VWA8: variants seen among roughly 807,000 people sequenced by gnomAD.
The protein encoded by VWA8 is von Willebrand factor A domain containing 8.
A neutral mutation model predicts 241.5 loss-of-function variants in VWA8; 221 were observed. The ratio of observed to expected loss-of-function variants is 0.91; its 90% CI spans 0.82 to 1.02. The LOEUF (loss-of-function observed/expected upper bound fraction) is 1.02, where lower values mean the gene tolerates loss of function less well. VWA8 is among the 50% of genes least tolerant of loss of function. The probability of loss-of-function intolerance (pLI) is 0.00; values close to 1 mark genes in which losing one functional copy is unlikely to be tolerated. For synonymous variants in VWA8, 852 were observed against 827.1 expected (o/e 1.03, Z -0.52); for missense variants, 2,322 against 2,328.7 (o/e 1.00, Z 0.06).
intron 37 of VWA8, among the ~76,000 whole-genome samples, chr13:41,627,928 T>TA (rs1235299315): frequency 1.3e-5 from 2 of 152,006 alleles, no homozygotes; most frequent in African/African-American, 4.8e-5. Context: ...TGCAGGAAAA[T>TA]AGAGTCTGGA....
Position 41,655,489 on chromosome 13 carries a change from C to CAG in VWA8, c.4611+15455_4611+15456dup, listed in dbSNP as rs34381157. Among the ~76,000 whole-genome samples, 722 of 148,300 alleles carry CAG rather than the reference C, an allele frequency of 4.9e-3. 2 individuals are homozygous for CAG. The highest frequency in any genetic ancestry group is 0.015 in the East Asian group (74 of 5,064). ...ATATATATCCACACATACAGAGAGA[C>CAG]AGAGAGAGAGAGAGAGAGAGAGAGA... On this transcript the variant is annotated intron_variant, in intron 37 of 44. Transcript: ENST00000379310.
intron 2 of VWA8, among the ~76,000 whole-genome samples, chr13:41,924,852 G>A (rs1876754165): frequency 6.6e-6 from 1 of 151,604 alleles, no homozygotes; most frequent in Non-Finnish European, 1.5e-5. Context: ...ATGTTGGTGT[G>A]CTGCACCCAT....
intron 17 of VWA8, among the ~76,000 whole-genome samples, chr13:41,798,340 T>A (rs1157069064): frequency 6.6e-6 from 1 of 152,214 alleles, no homozygotes; most frequent in East Asian, 1.9e-4. Context: ...TACTGAAATA[T>A]ATCCTTTAGT....
chr13:41,863,395 T>TTGTGTGTGTG (rs140177608), intron 12 of VWA8, among the ~76,000 whole-genome samples: 1 of 90,044 alleles, frequency 1.1e-5, no homozygotes, highest in Non-Finnish European at 2.3e-5. Flanking sequence ...TATCTCCTAT[T>TTGTGTGTGTG]TGTGTGTGTG....
chr13:41,868,372 T>A lies in VWA8; in HGVS notation c.1186A>T (p.Ile396Phe). ...HVSQASVTIRIADKEVTIKVP... is the reference protein window; with the variant it reads ...HVSQASVTIRFADKEVTIKVP... ...TTAATGGTCACCTCTTTATCTGCAA[T>A]CCGGATGGTCACAGAAGCTTGGGAC... Residue 396 changes from isoleucine (I) to phenylalanine (F), a missense_variant, in exon 10 of 45, where the codon ATT becomes TTT. Ile to Phe is a conservative substitution (Grantham distance 21, BLOSUM62 0). Transcript: ENST00000379310. The A allele has an allele frequency of 6.2e-7, 1 of 1,614,152 alleles. No homozygotes were observed. The highest frequency in any genetic ancestry group is 8.5e-7 in the Non-Finnish European group (1 of 1,180,014).
intron 37 of VWA8, among the ~76,000 whole-genome samples, chr13:41,642,356 G>C (rs12869535): frequency 0.042 from 6,317 of 151,920 alleles, 176 homozygotes; most frequent in African/African-American, 0.081. Context: ...TCAGGAGTTC[G>C]AGACCAGCCT....
chr13:41,615,198 C>G, intron 37 of VWA8, 114 bp from the exon 38 acceptor site: 1 of 1,004,506 alleles, frequency 1.0e-6, no homozygotes, highest in Non-Finnish European at 1.4e-6. Flanking sequence ...TAACCTCAGG[C>G]CACTGGACTT....
chr13:41,820,638 G>A (rs1566470390), intron 14 of VWA8, among the ~76,000 whole-genome samples: 1 of 152,188 alleles, frequency 6.6e-6, no homozygotes, highest in Non-Finnish European at 1.5e-5. Flanking sequence ...TTTTAGCAGG[G>A]CCTGGGGGAG....
chr13:41,600,177 G>A (rs1260729041), intron 40 of VWA8, among the ~76,000 whole-genome samples: 3 of 152,108 alleles, frequency 2.0e-5, no homozygotes, highest in Non-Finnish European at 2.9e-5. Flanking sequence ...AGCTGTTTGC[G>A]TGTCACTAGC....
chr13:41,607,526 T>C (rs1256013198), intron 39 of VWA8, among the ~76,000 whole-genome samples: 1 of 152,146 alleles, frequency 6.6e-6, no homozygotes, highest in East Asian at 1.9e-4. Context: ...ATGCAGGACA[T>C]GCCACCTACC....
chr13:41,849,760 G>A (rs1435652619), intron 12 of VWA8, among the ~76,000 whole-genome samples: 3 of 152,142 alleles, frequency 2.0e-5, no homozygotes, highest in African/African-American at 4.8e-5. Context: ...GATGGCAGGT[G>A]CCTGTAATCC....
chr13:41,753,598 A>AT (rs1194042512), intron 21 of VWA8, among the ~76,000 whole-genome samples: 1 of 152,166 alleles, frequency 6.6e-6, no homozygotes, highest in Non-Finnish European at 1.5e-5. Context: ...AGACATCTTG[A>AT]TTTTAACTAA....
At position 41,841,820 on chromosome 13, in the gene VWA8, AATATATATATATATATATAT is replaced by A. The variant is rs1242263993; in HGVS notation, c.1426-8309_1426-8290del. Among the ~76,000 whole-genome samples, 203 of 22,220 alleles carry A rather than the reference AATATATATATATATATATAT, an allele frequency of 9.1e-3. 4 individuals are homozygous for A. Among genetic ancestry groups the A allele is most frequent in the Middle Eastern group, 0.038 (1 of 26 alleles). The allele number at this position is 22,220 out of a possible 152,430, so 14.6% of individuals were successfully genotyped here. A position where few individuals can be genotyped will look rare whatever the true frequency, so the allele number is the denominator to read the frequency against. ...AAAAAAAAAAAAAAAAAAAAAAAAA[AATATATATATATATATATAT>A]ATATATATATATATATATAAAAACA... On this transcript the variant is annotated intron_variant, in intron 12 of 44. Transcript: ENST00000379310.
At chr13:41,790,091 A>C (rs1464176385) in intron 17 of VWA8, among the ~76,000 whole-genome samples, 1 of 152,292 alleles carries the variant, frequency 6.6e-6, no homozygotes, top group East Asian at 1.9e-4. Flanking sequence ...GTGATGGTTA[A>C]TATCTGCTAG....
At chr13:41,711,603 G>GCA (rs2045317045) in intron 26 of VWA8, among the ~76,000 whole-genome samples, 1 of 152,184 alleles carries the variant, frequency 6.6e-6, no homozygotes, top group Admixed American at 6.5e-5. Context: ...GGCCGGGCAT[G>GCA]GTGGCTCATG....
chr13:41,795,114 C>G (rs1333246950), intron 17 of VWA8, among the ~76,000 whole-genome samples: 1 of 151,610 alleles, frequency 6.6e-6, no homozygotes, highest in South Asian at 2.1e-4. Context: ...AGAAAAAAAC[C>G]CACCCCATTA....
At chr13:41,869,265 A>G (rs555675171) in intron 9 of VWA8, among the ~76,000 whole-genome samples, 9 of 152,296 alleles carry the variant, frequency 5.9e-5, no homozygotes, top group Admixed American at 5.2e-4. Context: ...TAAAATTATT[A>G]TAACAATTTT....
At chr13:41,912,293 T>TTATAAACATATGTATATAAATATA (rs1876048213) in intron 2 of VWA8, 125 bp from the exon 3 acceptor site, 1 of 694,850 alleles carries the variant, frequency 1.4e-6, no homozygotes, top group Admixed American at 4.1e-5. Context: ...ATCTGTGTAT[T>TTATAAACATATGTATATAAATATA]TATAAACATA....
At chr13:41,879,950 C>T (rs1292944534) in intron 9 of VWA8, among the ~76,000 whole-genome samples, 1 of 152,154 alleles carries the variant, frequency 6.6e-6, no homozygotes, top group South Asian at 2.1e-4. Context: ...CAAAAACCAT[C>T]TTTCATATGG....
Sources: gnomAD v4.1 joint callset for allele counts (sites outside exome capture counted in the v4.1 genomes callset) on GRCh38, gnomAD v4.1.1 for gene constraint, MANE v1.5 for transcripts, NCBI Gene and HGNC (gene_info 2026-07-23, HGNC 2026-07-21) for gene names.